The following PDE6D variants were observed in gnomAD, a reference collection of about 807,000 sequenced individuals.
The protein encoded by PDE6D is phosphodiesterase 6D.
A neutral mutation model predicts 21.9 loss-of-function variants in PDE6D; 10 were observed. The observed-to-expected ratio is 0.46, with a 90% CI of 0.28 to 0.78. The LOEUF is 0.78. Ranked by LOEUF, PDE6D falls within the 30% of genes least tolerant of loss-of-function variation. PDE6D has a pLI of 0.12. For synonymous variants in PDE6D, 59 were observed against 63.5 expected, an observed-to-expected ratio of 0.93 and a Z score of 0.34; for missense variants, 139 against 184.8, an observed-to-expected ratio of 0.75 and a Z score of 1.44.
chr2:231,751,384 T>A (rs2048839165), intron 1 of PDE6D, among the ~76,000 whole-genome samples: 1 of 152,206 alleles, frequency 6.6e-6, no homozygotes, highest in African/African-American at 2.4e-5. Context: ...TGGTCTCAAG[T>A]GATCCTCCCA....
intron 1 of PDE6D, among the ~76,000 whole-genome samples, chr2:231,743,260 C>G (rs1042041965): frequency 3.3e-5 from 5 of 151,634 alleles, no homozygotes; most frequent in Non-Finnish European, 5.9e-5. Context: ...CCCGTTTCTA[C>G]TAAAAATACA....
chr2:231,738,078 G>A lies in PDE6D; in HGVS notation c.200C>T (p.Ser67Leu), dbSNP rs1385806009. 3.1e-6 allele frequency: 5 copies of A among 1,613,494 alleles called. No homozygotes were observed. The highest frequency in any genetic ancestry group is 1.1e-5 in the South Asian group (1 of 91,070). The change falls in exon 3 of 5, where the codon TCG becomes TTG. Residue 67 changes from serine to leucine, a missense_variant. Transcript: ENST00000287600. ...GCGGAATTTTTCCATTTGTTCTGTC[G>A]AAGAAAAATTAAGTTCTCGAGACAC... ...KAVSRELNFS[S>L]TEQMEKFRLE...
chr2:231,771,349 T>C (rs887286972), intron 1 of PDE6D, among the ~76,000 whole-genome samples: 4 of 152,190 alleles, frequency 2.6e-5, no homozygotes, highest in Non-Finnish European at 4.4e-5. Flanking sequence ...CATGGTATAC[T>C]GTAGAAAACA....
In PDE6D at chr2:231,737,799, C is replaced by T; in HGVS notation, c.265+214G>A. On this transcript the variant is annotated intron_variant, in intron 3 of 4. Coordinates refer to ENST00000287600, the MANE Select transcript of PDE6D (RefSeq NM_002601.4). Reference sequence around the variant, plus strand: ...TAAACCAGGCACCACCATCCACGCTCCCAGTGTCAGAGACCTCAAAGCCCC... The same window carrying T: ...TAAACCAGGCACCACCATCCACGCTTCCAGTGTCAGAGACCTCAAAGCCCC... 6.0e-6 allele frequency: 3 copies of T among 502,720 alleles called. No individual in the cohort carries two copies. The South Asian group carries it at 9.0e-5, about 15-fold the overall frequency. 31.1% of individuals were successfully genotyped at this position (502,720 alleles called of 1,614,324 possible).
At chr2:231,736,156 T>C (rs1280157723) in intron 4 of PDE6D, among the ~76,000 whole-genome samples, 1 of 152,000 alleles carries the variant, frequency 6.6e-6, no homozygotes, top group South Asian at 2.1e-4. Flanking sequence ...CTGGGCAACA[T>C]GGCAAGACCC....
chr2:231,781,027 C>T, intron 1 of PDE6D, 38 bp downstream of exon 1: 2 of 1,591,516 alleles, frequency 1.3e-6, no homozygotes, highest in Non-Finnish European at 1.7e-6. Context: ...GGCCGCCTCC[C>T]AAGTCCTCCC....
At chr2:231,752,850 T>TC (rs2048852474) in intron 1 of PDE6D, among the ~76,000 whole-genome samples, 1 of 148,768 alleles carries the variant, frequency 6.7e-6, no homozygotes, top group African/African-American at 2.5e-5. Flanking sequence ...TTTTTTTTTT[T>TC]TGAGACGGAG....
intron 1 of PDE6D, among the ~76,000 whole-genome samples, chr2:231,757,940 G>A (rs1005228634): frequency 2.0e-5 from 3 of 151,494 alleles, no homozygotes; most frequent in Non-Finnish European, 4.4e-5. Flanking sequence ...GAGAAGATGA[G>A]CATGGCCCCT....
At position 231,738,081 on chromosome 2, in the gene PDE6D, G is replaced by C; in HGVS notation, c.197C>G (p.Ser66Cys). 6.2e-7 allele frequency: 1 copy of C among 1,613,924 alleles called. No homozygotes were observed. Among genetic ancestry groups the C allele is most frequent in the Non-Finnish European group, 8.5e-7 (1 of 1,179,836 alleles). ...CKAVSRELNF[S>C]STEQMEKFRL... The stretch of plus-strand genomic sequence containing the variant: ...GAATTTTTCCATTTGTTCTGTCGAA[G>C]AAAAATTAAGTTCTCGAGACACTGC... The change falls in exon 3 of 5, where the codon TCT becomes TGT. Residue 66 changes from serine (S) to cysteine (C), a missense_variant. Transcript: ENST00000287600.
intron 1 of PDE6D, among the ~76,000 whole-genome samples, chr2:231,758,490 T>G (rs2048901208): frequency 6.6e-6 from 1 of 152,162 alleles, no homozygotes; most frequent in South Asian, 2.1e-4. Context: ...ATTATAAGAA[T>G]CATGTACAAC....
At chr2:231,759,594 G>T (rs948868765) in intron 1 of PDE6D, among the ~76,000 whole-genome samples, 5 of 152,066 alleles carry the variant, frequency 3.3e-5, no homozygotes, top group African/African-American at 1.2e-4. Flanking sequence ...CACTATAAAG[G>T]GATCTGTGGA....
chr2:231,774,526 TAC>T (rs1032249411), intron 1 of PDE6D, among the ~76,000 whole-genome samples: 3 of 151,862 alleles, frequency 2.0e-5, no homozygotes, highest in African/African-American at 4.8e-5. Flanking sequence ...CTACAGACAC[TAC>T]ACACACACAC....
In PDE6D at chr2:231,737,526, C is replaced by T. The variant is rs1172903571; in HGVS notation, c.266-234G>A. The stretch of plus-strand genomic sequence containing the variant: ...TTGAGGTCTAAAGGACTAGGACCAG[C>T]GAGCAGGACACAATATAAGCAGCAT... On this transcript the variant is annotated intron_variant, in intron 3 of 4. Transcript: ENST00000287600. The T allele has an allele frequency of 4.6e-5, 20 of 432,068 alleles. No individual in the cohort carries two copies. The South Asian group carries it at 5.6e-4, about 12-fold the overall frequency. 26.8% of individuals were successfully genotyped at this position (432,068 alleles called of 1,614,324 possible).
chr2:231,770,733 A>T (rs2049008469), intron 1 of PDE6D, among the ~76,000 whole-genome samples: 1 of 152,116 alleles, frequency 6.6e-6, no homozygotes, highest in South Asian at 2.1e-4. Flanking sequence ...TGAATGGATC[A>T]CCTGAGGTCA....
intron 1 of PDE6D, among the ~76,000 whole-genome samples, chr2:231,743,943 CA>C (rs1041457951): frequency 6.6e-6 from 1 of 152,252 alleles, no homozygotes; most frequent in African/African-American, 2.4e-5. Flanking sequence ...TTTCTGAAGA[CA>C]TAGTCCTCAT....
intron 2 of PDE6D, among the ~76,000 whole-genome samples, chr2:231,738,706 C>T (rs970902240): frequency 4.6e-5 from 7 of 151,620 alleles, no homozygotes; most frequent in Non-Finnish European, 5.9e-5. Flanking sequence ...ACTTGATGTC[C>T]GGAGTTCGAG....
chr2:231,753,398 A>C, intron 1 of PDE6D, among the ~76,000 whole-genome samples: 1 of 151,530 alleles, frequency 6.6e-6, no homozygotes, highest in South Asian at 2.1e-4. Flanking sequence ...AAAAAACAAA[A>C]AACATAGCTG....
intron 1 of PDE6D, among the ~76,000 whole-genome samples, chr2:231,750,482 T>A (rs2570990): frequency 0.11 from 10,851 of 94,418 alleles, 463 homozygotes; most frequent in South Asian, 0.13. Flanking sequence ...TCCATATCAC[T>A]TTTTTTTTTT....
intron 4 of PDE6D, among the ~76,000 whole-genome samples, chr2:231,734,784 T>C (rs1185830099): frequency 6.8e-6 from 1 of 146,320 alleles, no homozygotes; most frequent in Non-Finnish European, 1.5e-5. Context: ...GAGGCGGAGG[T>C]TGCAGTGAGC....
Sources: allele counts gnomAD v4.1 joint callset (sites outside exome capture counted in the v4.1 genomes callset), GRCh38; gene constraint gnomAD v4.1.1; transcripts MANE v1.5; gene names NCBI Gene and HGNC (gene_info 2026-07-23, HGNC 2026-07-21).